Variants in TFEC observed in about 807,000 individuals in gnomAD.
TFEC encodes the protein transcription factor EC.
TFEC carries 31 observed loss-of-function variants against 41.6 expected under a neutral mutation model. That is an observed-to-expected ratio of 0.74 (90% confidence interval 0.56 to 1.01). The LOEUF (loss-of-function observed/expected upper bound fraction) is 1.01, where lower values mean the gene tolerates loss of function less well. TFEC is among the 50% of genes least tolerant of loss of function. The pLI is 0.00. For missense variants in TFEC, 402 were observed against 404.1 expected (o/e 0.99, Z 0.04); for synonymous variants, 143 against 140.6 (o/e 1.02, Z -0.12).
chr7:116,154,467 T>G (rs1798827928), intron 1 of TFEC, among the ~76,000 whole-genome samples: 1 of 152,174 alleles, frequency 6.6e-6, no homozygotes, highest in Non-Finnish European at 1.5e-5. Context: ...GTAGGAATGA[T>G]GGCATTCATT....
intron 3 of TFEC, among the ~76,000 whole-genome samples, chr7:116,049,907 A>G (rs1796266737): frequency 6.6e-6 from 1 of 152,226 alleles, no homozygotes; most frequent in African/African-American, 2.4e-5. Flanking sequence ...TGAAGGCAGA[A>G]ATAAAGATGT....
At chr7:116,060,407 G>A (rs925859259) in intron 3 of TFEC, among the ~76,000 whole-genome samples, 4 of 152,014 alleles carry the variant, frequency 2.6e-5, no homozygotes, top group African/African-American at 7.2e-5. Context: ...AAAGACCCAC[G>A]TATGCAAATG....
chr7:116,030,825 G>A, upstream of TFEC: 1 of 985,372 alleles, frequency 1.0e-6, no homozygotes, highest in East Asian at 1.1e-4. Context: ...GCTCATTAGG[G>A]CATTTCCTGA....
At chr7:116,040,399 A>T (rs1562947575) in intron 3 of TFEC, among the ~76,000 whole-genome samples, 1 of 152,196 alleles carries the variant, frequency 6.6e-6, no homozygotes, top group Admixed American at 6.6e-5. Flanking sequence ...TTTTTATCTC[A>T]TAAAAGATAT....
chr7:116,144,974 T>C (rs1463813261), intron 1 of TFEC, among the ~76,000 whole-genome samples: 2 of 152,198 alleles, frequency 1.3e-5, no homozygotes, highest in Non-Finnish European at 2.9e-5. Context: ...AGATAGATTC[T>C]GTTTCTCTGA....
intron 3 of TFEC, among the ~76,000 whole-genome samples, chr7:116,055,701 C>A (rs1036327201): frequency 1.3e-5 from 2 of 151,690 alleles, no homozygotes; most frequent in East Asian, 3.9e-4. Flanking sequence ...TCAATGATTG[C>A]CACAATTCTG....
intron 1 of TFEC, among the ~76,000 whole-genome samples, chr7:116,128,176 T>A (rs989379832): frequency 6.6e-6 from 1 of 152,136 alleles, no homozygotes; most frequent in African/African-American, 2.4e-5. Flanking sequence ...TTTAACCAGG[T>A]TAAACCACTC....
intron 1 of TFEC, among the ~76,000 whole-genome samples, chr7:116,147,995 G>A: frequency 6.6e-6 from 1 of 152,146 alleles, no homozygotes; most frequent in East Asian, 1.9e-4. Context: ...AATGGACCCA[G>A]ATAAGGGAAG....
intron 7 of TFEC, chr7:115,941,223 T>G: frequency 4.1e-6 from 1 of 244,580 alleles, no homozygotes; most frequent in Non-Finnish European, 7.8e-6. Flanking sequence ...CATTTGGAGA[T>G]AGCAGAAAGT....
intron 3 of TFEC, among the ~76,000 whole-genome samples, chr7:116,085,347 A>C (rs1227257509): frequency 1.3e-5 from 2 of 151,914 alleles, no homozygotes; most frequent in Non-Finnish European, 1.5e-5. Flanking sequence ...AGAGTTTTTA[A>C]ACCAAGAGAG....
intron 1 of TFEC, among the ~76,000 whole-genome samples, chr7:116,117,982 G>T (rs11976241): frequency 6.6e-6 from 1 of 151,708 alleles, no homozygotes; most frequent in East Asian, 1.9e-4. Context: ...TCTCAGTTGA[G>T]GGAAAAAGAA....
intron 1 of TFEC, among the ~76,000 whole-genome samples, chr7:116,127,957 T>G (rs1798250408): frequency 6.6e-6 from 1 of 152,148 alleles, no homozygotes; most frequent in African/African-American, 2.4e-5. Flanking sequence ...ATATGTACAG[T>G]CTTTGAATTT....
intron 1 of TFEC, among the ~76,000 whole-genome samples, chr7:116,134,499 A>G (rs925470808): frequency 9.2e-5 from 14 of 152,166 alleles, no homozygotes; most frequent in African/African-American, 3.4e-4. Context: ...ATTCTAGTTC[A>G]AACCCTTCCC....
intron 1 of TFEC, among the ~76,000 whole-genome samples, chr7:116,155,593 A>G (rs1210012053): frequency 6.6e-6 from 1 of 152,196 alleles, no homozygotes; most frequent in East Asian, 1.9e-4. Context: ...AGAAAGAAAG[A>G]AAACACTTCT....
At chr7:116,094,168 G>A (rs900453719) in intron 3 of TFEC, among the ~76,000 whole-genome samples, 8 of 152,336 alleles carry the variant, frequency 5.3e-5, no homozygotes, top group South Asian at 2.1e-4. Flanking sequence ...TGATTCCTGA[G>A]TGTGAGATCA....
At chr7:115,995,024 A>C (rs1794297679) in intron 1 of TFEC, among the ~76,000 whole-genome samples, 1 of 152,174 alleles carries the variant, frequency 6.6e-6, no homozygotes, top group Admixed American at 6.5e-5. Flanking sequence ...GCCATAAAAA[A>C]GGATGAGTTC....
At chr7:116,031,124 A>G (rs1795771158), upstream of TFEC, among the ~76,000 whole-genome samples, 3 of 152,204 alleles carry the variant, frequency 2.0e-5, no homozygotes, top group South Asian at 6.2e-4. Flanking sequence ...TTTCTTCAAC[A>G]AATTGACCTG....
chr7:116,026,173 C>T (rs1431930003), intron 1 of TFEC, among the ~76,000 whole-genome samples: 1 of 152,230 alleles, frequency 6.6e-6, no homozygotes, highest in Non-Finnish European at 1.5e-5. Context: ...CATGTTATTT[C>T]ACACAATGGT....
chr7:116,153,789 A>G (rs991719459), intron 1 of TFEC, among the ~76,000 whole-genome samples: 4 of 152,208 alleles, frequency 2.6e-5, no homozygotes, highest in Admixed American at 6.5e-5. Flanking sequence ...AAAGATTAGG[A>G]AAGTTAAAGA....
Sources: gnomAD v4.1 joint callset for allele counts (sites outside exome capture counted in the v4.1 genomes callset) on GRCh38, gnomAD v4.1.1 for gene constraint, MANE v1.5 for transcripts, NCBI Gene and HGNC (gene_info 2026-07-23, HGNC 2026-07-21) for gene names.